NUP205: variants seen among roughly 807,000 people sequenced by gnomAD.
NUP205 encodes nuclear pore complex protein Nup205.
Under a neutral mutation model 253.8 loss-of-function variants are expected in NUP205, and 76 were observed. That is an observed-to-expected ratio of 0.30 (90% CI 0.25 to 0.36). NUP205 has a LOEUF of 0.36. NUP205 is among the 10% of genes least tolerant of loss of function. NUP205 has a pLI of 1.00. For missense variants in NUP205, 2,162 were observed against 2,425.5 expected, an observed-to-expected ratio of 0.89 and a Z score of 2.28; for synonymous variants, 832 against 850.1, an observed-to-expected ratio of 0.98 and a Z score of 0.37.
chr7:135,579,100 A>G (rs1027015680), intron 7 of NUP205, among the ~76,000 whole-genome samples, 185 bp downstream of exon 7: 15 of 152,330 alleles, frequency 9.8e-5, no homozygotes, highest in South Asian at 2.1e-4. Flanking sequence ...TCTCAAAAAT[A>G]TCATATGAAA....
chr7:135,584,443 T>C (rs1206315659), intron 7 of NUP205, among the ~76,000 whole-genome samples: 1 of 152,212 alleles, frequency 6.6e-6, no homozygotes, highest in East Asian at 1.9e-4. Flanking sequence ...CAGGTTTTGG[T>C]CTTGGATTGA....
At chr7:135,577,211 C>G in intron 5 of NUP205, 83 bp downstream of exon 5, 1 of 1,344,632 alleles carries the variant, frequency 7.4e-7, no homozygotes, top group Non-Finnish European at 1.0e-6. Flanking sequence ...TTCATTTTTT[C>G]AAGATGAATT....
intron 13 of NUP205, among the ~76,000 whole-genome samples, chr7:135,595,794 G>A (rs963648749): frequency 6.6e-6 from 1 of 152,142 alleles, no homozygotes; most frequent in African/African-American, 2.4e-5. Flanking sequence ...TATTTTATAT[G>A]TGATAAAATG....
In NUP205 at chr7:135,590,197, C is replaced by T. The variant is rs950266779; in HGVS notation, c.1474-1253C>T. Among the ~76,000 whole-genome samples the T allele has an allele frequency of 4.6e-5, 7 of 150,882 alleles. No individual in the cohort carries two copies. In the East Asian group the frequency reaches 5.8e-4, roughly 13 times the overall value. ...CCTGATCTCGGCTCACTGCAACCTCCGCCTCCTGGGTTTAAGTGATTCTAC... is the reference window on the plus strand; with the variant it reads ...CCTGATCTCGGCTCACTGCAACCTCTGCCTCCTGGGTTTAAGTGATTCTAC... On this transcript the variant is annotated intron_variant, in intron 10 of 42. Coordinates refer to ENST00000285968, the MANE Select transcript of NUP205 (RefSeq NM_015135.3).
chr7:135,635,733 C>A, intron 36 of NUP205, 76 bp downstream of exon 36: 1 of 834,530 alleles, frequency 1.2e-6, no homozygotes, highest in Admixed American at 2.3e-5. Context: ...ATTGTGCCCC[C>A]TAGATTTGGG....
intron 38 of NUP205, among the ~76,000 whole-genome samples, chr7:135,641,318 TAGG>T (rs1584693557): frequency 6.6e-6 from 1 of 152,194 alleles, no homozygotes; most frequent in Non-Finnish European, 1.5e-5. Flanking sequence ...CTAATTTCAG[TAGG>T]AGAAGGCTCT....
intron 8 of NUP205, among the ~76,000 whole-genome samples, chr7:135,585,803 A>G (rs766706891): frequency 6.6e-6 from 1 of 152,164 alleles, no homozygotes; most frequent in Non-Finnish European, 1.5e-5. Flanking sequence ...CGGCCTCCCA[A>G]AATGCTGGGA....
intron 26 of NUP205, 104 bp downstream of exon 26, chr7:135,617,351 T>C: frequency 8.7e-7 from 1 of 1,154,002 alleles, no homozygotes; most frequent in East Asian, 2.4e-5. Flanking sequence ...ATAGAGACAT[T>C]GGTTTAGTAG....
chr7:135,588,416 C>T (rs34920654), intron 10 of NUP205, among the ~76,000 whole-genome samples: 20,426 of 150,832 alleles, frequency 0.14, 2,028 homozygotes, highest in African/African-American at 0.18. Context: ...GCTGGATTTA[C>T]AGGCATGAGC....
chr7:135,607,810 CT>C (rs200428939), intron 22 of NUP205, among the ~76,000 whole-genome samples: 78 of 146,334 alleles, frequency 5.3e-4, no homozygotes, highest in African/African-American at 1.5e-3. Context: ...AGTGAAAGCA[CT>C]TTTTTTTTTT....
chr7:135,593,061 G>A lies in NUP205; in HGVS notation c.1699G>A (p.Glu567Lys), dbSNP rs376963946. Residue 567 changes from glutamate (E) to lysine (K), a missense_variant, in exon 12 of 43, where the codon GAA becomes AAA. Glu to Lys is a moderately conservative substitution (Grantham distance 56, BLOSUM62 1). This residue lies in a region of NUP205 where 892 missense variants were observed against 957.1 expected (regional missense o/e 0.93). Transcript: ENST00000285968. ...HFFHSLMLYH[E>K]HLRKDLPSAD... ...CTTTCACTCCTTGATGCTTTACCAC[G>A]AACACCTTCGGAAGGATCTTCCAAG... 20 of 1,613,798 alleles carry A rather than the reference G, an allele frequency of 1.2e-5. No individual in the cohort carries two copies. Among genetic ancestry groups the A allele is most frequent in the Admixed American group, 5.0e-5 (3 of 59,980 alleles).
Position 135,622,940 on chromosome 7 carries a change from A to G in NUP205, c.4479+15A>G. On this transcript the variant is annotated intron_variant, in intron 31 of 42. Transcript: ENST00000285968. Reference sequence around the variant, plus strand: ...AGATTGGAAGGGTAAAGCAACTCTTATTTAGTATTATAATTGAATAAGTAT... The same window carrying G: ...AGATTGGAAGGGTAAAGCAACTCTTGTTTAGTATTATAATTGAATAAGTAT... 1 of 1,611,324 alleles carries G rather than the reference A, an allele frequency of 6.2e-7. No homozygotes were observed. Among genetic ancestry groups the G allele is most frequent in the Non-Finnish European group, 8.5e-7 (1 of 1,178,476 alleles).
chr7:135,557,960 G>C lies in NUP205; in HGVS notation c.16G>C (p.Ala6Pro), dbSNP rs1419252419. The C allele has an allele frequency of 6.2e-7, 1 of 1,613,902 alleles. No individual in the cohort carries two copies. The highest frequency in any genetic ancestry group is 8.5e-7 in the Non-Finnish European group (1 of 1,179,746). MATPL[A>P]VNSAASLWGP... ...CGCCTCTAAGATGGCGACGCCTTTG[G>C]CGGTAAATTCGGGTAAGTGTGGCCA... is the stretch of plus-strand genomic sequence containing the variant. Residue 6 changes from alanine (A) to proline (P), a missense_variant, in exon 1 of 43, where the codon GCG becomes CCG. Around this residue, in one of 5 missense-constraint regions of NUP205, gnomAD observed 109 missense variants for 131.8 expected, o/e 0.83. Transcript: ENST00000285968.
chr7:135,609,141 G>A (rs902568972), intron 22 of NUP205, among the ~76,000 whole-genome samples: 4 of 147,540 alleles, frequency 2.7e-5, no homozygotes, highest in African/African-American at 1.0e-4. Context: ...GGCTTTATAA[G>A]CTGTGACTAA....
chr7:135,585,097 A>C, intron 8 of NUP205, 90 bp downstream of exon 8: 2 of 1,163,348 alleles, frequency 1.7e-6, no homozygotes, highest in Admixed American at 5.7e-5. Context: ...TTTGGAAACT[A>C]ATAAAAATTT....
At chr7:135,571,077 C>T (rs368698739) in intron 1 of NUP205, 28 bp from the exon 2 acceptor site, 24 of 1,523,208 alleles carry the variant, frequency 1.6e-5, no homozygotes, top group Admixed American at 3.9e-5. Flanking sequence ...TTTTCTTTGA[C>T]GGTGGTTTCA....
rs1305251957 is a variant in NUP205, at chr7:135,648,633, TA to T, written c.*80del. The T allele has an allele frequency of 2.3e-5, 27 of 1,190,402 alleles. No individual in the cohort carries two copies. Among genetic ancestry groups the T allele is most frequent in the Non-Finnish European group, 2.8e-5 (25 of 904,520 alleles). 73.7% of individuals were successfully genotyped at this position (1,190,402 alleles called of 1,614,324 possible). A position where few individuals can be genotyped will look rare whatever the true frequency, so the allele number is the denominator to read the frequency against. On this transcript the variant is annotated 3_prime_UTR_variant, in exon 43 of 43. Transcript: ENST00000285968. ...TCCATTTTATAGATTAGTTTCTTTC[TA>T]AATTATGACCAAAAATATTTTGCTA...
At chr7:135,572,336 T>A (rs76879827) in intron 2 of NUP205, among the ~76,000 whole-genome samples, 3,817 of 152,296 alleles carry the variant, frequency 0.025, 80 homozygotes, top group South Asian at 0.077. Context: ...AATACATCTA[T>A]GCTTGGTAAG....
At chr7:135,646,669 T>G (rs1795017616) in intron 42 of NUP205, among the ~76,000 whole-genome samples, 1 of 152,196 alleles carries the variant, frequency 6.6e-6, no homozygotes, top group South Asian at 2.1e-4. Context: ...TTAATAAGAT[T>G]ATGATTTTCA....
Sources: allele counts gnomAD v4.1 joint callset (sites outside exome capture counted in the v4.1 genomes callset), GRCh38; gene constraint gnomAD v4.1.1; regional missense constraint gnomAD v4.1.1; transcripts MANE v1.5; gene names NCBI Gene and HGNC (gene_info 2026-07-23, HGNC 2026-07-21).